The following GOLGA3 variants were observed in gnomAD, a reference collection of about 807,000 sequenced individuals.
GOLGA3 encodes the protein golgin subfamily A member 3.
A neutral mutation model predicts 169.4 loss-of-function variants in GOLGA3; 75 were observed. That is an observed-to-expected ratio of 0.44 (90% confidence interval 0.37 to 0.54). The LOEUF (loss-of-function observed/expected upper bound fraction) is 0.54, where lower values mean the gene tolerates loss of function less well. GOLGA3 is among the 20% of genes least tolerant of loss of function. The pLI, the probability that GOLGA3 is intolerant of heterozygous loss-of-function variation, is 0.00. For missense variants in GOLGA3, 1,899 were observed against 1,930.0 expected, an observed-to-expected ratio of 0.98 and a Z score of 0.30; for synonymous variants, 824 against 822.4, an observed-to-expected ratio of 1.00 and a Z score of -0.03.
At chr12:132,778,378 T>C (rs1258570602) in intron 18 of GOLGA3, among the ~76,000 whole-genome samples, 2 of 152,150 alleles carry the variant, frequency 1.3e-5, no homozygotes, top group Non-Finnish European at 2.9e-5. Flanking sequence ...GAGACTATCC[T>C]GGCTAACACG....
Position 132,782,451 on chromosome 12 carries a change from C to G in GOLGA3, c.3310G>C (p.Glu1104Gln). The G allele has an allele frequency of 6.2e-7, 1 of 1,614,156 alleles. No individual in the cohort carries two copies. The highest frequency in any genetic ancestry group is 8.5e-7 in the Non-Finnish European group (1 of 1,179,964). ...RGFRKKIKRL[E>Q]ESNKKLALEL... ...AGAGCCAACTTCTTGTTTGACTCCT[C>G]AAGGCGTTTTATCTTCTTCCTAAAG... The change falls in exon 17 of 24, where the codon GAG becomes CAG. Residue 1104 changes from glutamate to glutamine, a missense_variant. Coordinates refer to ENST00000450791, the MANE Select transcript of GOLGA3 (RefSeq NM_001389683.1).
At chr12:132,803,477 C>T (rs1949232977) in intron 7 of GOLGA3, among the ~76,000 whole-genome samples, 1 of 152,174 alleles carries the variant, frequency 6.6e-6, no homozygotes, top group African/African-American at 2.4e-5. Flanking sequence ...TGGGCGGCCT[C>T]ATCAAAGTTC....
chr12:132,805,021 G>C lies in GOLGA3; in HGVS notation c.1292C>G (p.Ala431Gly). 1 of 1,604,906 alleles carries C rather than the reference G, an allele frequency of 6.2e-7. No homozygotes were observed. The highest frequency in any genetic ancestry group is 8.5e-7 in the Non-Finnish European group (1 of 1,177,968). The change falls in exon 7 of 24, where the codon GCA becomes GGA. Residue 431 changes from alanine to glycine, a missense_variant and splice_region_variant. Physicochemically the swap from Ala to Gly is moderately conservative, Grantham distance 60. Coordinates refer to ENST00000450791, the MANE Select transcript of GOLGA3 (RefSeq NM_001389683.1). ...CTGCAGCTCAGCCTTCTCTTTAAGT[G>C]CCTGAAAAGATCCCAACAACCACAA... ...LEALSLEASQ[A>G]LKEKAELQAQ...
chr12:132,788,955 A>ACC, intron 13 of GOLGA3, 72 bp downstream of exon 13: 1 of 930,008 alleles, frequency 1.1e-6, no homozygotes, highest in Non-Finnish European at 1.4e-6. Flanking sequence ...CCCCAGACAC[A>ACC]GGCCCCACCC....
intron 11 of GOLGA3, 84 bp downstream of exon 11, chr12:132,795,768 A>AT: frequency 1.5e-6 from 2 of 1,372,762 alleles, no homozygotes; most frequent in Non-Finnish European, 2.0e-6. Flanking sequence ...CAAAAAAAAA[A>AT]GAAAGAAAGA....
At chr12:132,825,886 C>T (rs1433622007) in intron 1 of GOLGA3, 7 of 964,350 alleles carry the variant, frequency 7.3e-6, no homozygotes, top group Admixed American at 1.7e-5. Context: ...AATGCCCCTT[C>T]ACTGGTGATG....
At chr12:132,813,262 G>C (rs1313052531) in intron 4 of GOLGA3, 45 bp downstream of exon 4, 5 of 1,317,338 alleles carry the variant, frequency 3.8e-6, no homozygotes, top group Non-Finnish European at 5.5e-6. Flanking sequence ...GTTGTCTCTG[G>C]CACAGGAAGC....
In GOLGA3 at chr12:132,782,554, C is replaced by G. The variant is rs1404657487; in HGVS notation, c.3268-61G>C. ...ACTGGTGAGTGGAGTTCACATACCC[C>G]AGAAACAGGTGAGTTTTCAACAAGA... On this transcript the variant is annotated intron_variant, in intron 16 of 23. Coordinates refer to ENST00000450791, the MANE Select transcript of GOLGA3 (RefSeq NM_001389683.1). 3.0e-6 allele frequency: 4 copies of G among 1,312,042 alleles called. No homozygotes were observed. In the East Asian group the frequency reaches 9.2e-5, roughly 30 times the overall value. 81.3% of individuals were successfully genotyped at this position (1,312,042 alleles called of 1,614,324 possible). A position where few individuals can be genotyped will look rare whatever the true frequency, so the allele number is the denominator to read the frequency against.
At chr12:132,789,361 G>A in intron 12 of GOLGA3, 71 bp from the exon 13 acceptor site, 1 of 1,358,166 alleles carries the variant, frequency 7.4e-7, no homozygotes, top group Non-Finnish European at 9.9e-7. Flanking sequence ...GGGTCAAGCT[G>A]GCTTCAACAA....
intron 4 of GOLGA3, 109 bp from the exon 5 acceptor site, chr12:132,808,658 C>A: frequency 1.2e-6 from 1 of 845,296 alleles, no homozygotes; most frequent in Non-Finnish European, 1.9e-6. Flanking sequence ...CGCTGACAAC[C>A]AGAGAGCACC....
intron 1 of GOLGA3, among the ~76,000 whole-genome samples, chr12:132,825,200 C>T (rs576076802): frequency 8.5e-5 from 13 of 152,108 alleles, no homozygotes; most frequent in Admixed American, 6.5e-4. Context: ...TGTGTGCCTA[C>T]GCGTGCAGAC....
Position 132,777,942 on chromosome 12 carries a change from C to G in GOLGA3, c.3583-137G>C. 1.1e-6 allele frequency: 1 copy of G among 928,586 alleles called. No homozygotes were observed. Among genetic ancestry groups the G allele is most frequent in the Non-Finnish European group, 1.6e-6 (1 of 632,586 alleles). The allele number at this position is 928,586 out of a possible 1,614,324, so 57.5% of individuals were successfully genotyped here. A position where few individuals can be genotyped will look rare whatever the true frequency, so the allele number is the denominator to read the frequency against. On this transcript the variant is annotated intron_variant, in intron 18 of 23. Transcript: ENST00000450791. The surrounding 1 kb of genome is among the most constrained non-coding windows in gnomAD (Gnocchi z 4.7). ...GGCGTGTGCTTCTCCACAGGCCTGT[C>G]AAGTTCCTTGTAAAGATGAAACCAC...
Position 132,772,219 on chromosome 12 carries a change from T to C in GOLGA3, c.*886A>G, listed in dbSNP as rs1378807925. ...AGGCAATCAATAATAAGTAGGTTCTTCTTCAATAACATGAGCATATGCTTC... is the reference window on the plus strand; with the variant it reads ...AGGCAATCAATAATAAGTAGGTTCTCCTTCAATAACATGAGCATATGCTTC... On this transcript the variant is annotated 3_prime_UTR_variant, in exon 24 of 24. Transcript: ENST00000450791. The C allele has an allele frequency of 2.0e-5, 3 of 152,164 alleles. No individual in the cohort carries two copies. The highest frequency in any genetic ancestry group is 2.0e-4 in the Admixed American group (3 of 15,266). The allele number at this position is 152,164 out of a possible 1,614,324, so 9.4% of individuals were successfully genotyped here. A position where few individuals can be genotyped will look rare whatever the true frequency, so the allele number is the denominator to read the frequency against.
rs1949519068 is a variant in GOLGA3 at position 132,808,232 on chromosome 12, A to T, written c.837T>A (p.Ser279Arg). ...TGATCTCAGACACAACGGACGCCGCACTGCTTCTGTTCTGCTTCAGGGAAC... is the reference window on the plus strand; with the variant it reads ...TGATCTCAGACACAACGGACGCCGCTCTGCTTCTGTTCTGCTTCAGGGAAC... Reference protein sequence around the residue: ...TKGSLKQNRSSAASVVSEISL... With the variant: ...TKGSLKQNRSRAASVVSEISL... Residue 279 changes from serine to arginine, a missense_variant, in exon 5 of 24, where the codon AGT becomes AGA. Physicochemically the swap from Ser to Arg is moderately radical, Grantham distance 110. Transcript: ENST00000450791. The T allele has an allele frequency of 1.9e-6, 3 of 1,614,016 alleles. No homozygotes were observed. The highest frequency in any genetic ancestry group is 1.1e-5 in the South Asian group (1 of 91,086).
At chr12:132,786,246 C>G in intron 15 of GOLGA3, 93 bp downstream of exon 15, 1 of 882,924 alleles carries the variant, frequency 1.1e-6, no homozygotes, top group Non-Finnish European at 1.7e-6. Context: ...GAGCTCGGCC[C>G]CGCTAGGCTT....
At chr12:132,788,954 C>CAGGCCCCGCCCCAGACAG in intron 13 of GOLGA3, 73 bp downstream of exon 13, 1 of 1,079,144 alleles carries the variant, frequency 9.3e-7, no homozygotes, top group Non-Finnish European at 1.3e-6. Context: ...GCCCCAGACA[C>CAGGCCCCGCCCCAGACAG]AGGCCCCACC....
At chr12:132,801,997 G>A (rs762909314) in intron 7 of GOLGA3, 28 bp from the exon 8 acceptor site, 3 of 1,568,108 alleles carry the variant, frequency 1.9e-6, no homozygotes, top group Non-Finnish European at 2.6e-6. Flanking sequence ...CAGCGGCTCA[G>A]GCCAGCGACG....
At chr12:132,793,963 T>C (rs908630533) in intron 11 of GOLGA3, among the ~76,000 whole-genome samples, 7 of 152,190 alleles carry the variant, frequency 4.6e-5, no homozygotes, top group Non-Finnish European at 2.9e-5. Context: ...TAGTTATCAC[T>C]AGAGCATGAC....
At chr12:132,783,822 C>T (rs963630854) in intron 16 of GOLGA3, 2 of 1,080,198 alleles carry the variant, frequency 1.9e-6, no homozygotes, top group African/African-American at 3.2e-5. Context: ...ATGATCCGCC[C>T]ACCTCAGCCT....
Sources: allele counts gnomAD v4.1 joint callset (sites outside exome capture counted in the v4.1 genomes callset), GRCh38; gene constraint gnomAD v4.1.1; non-coding constraint Gnocchi (gnomAD v3.1); transcripts MANE v1.5; gene names NCBI Gene and HGNC (gene_info 2026-07-23, HGNC 2026-07-21).